Variants in CACNA1D observed in about 807,000 individuals in gnomAD.
CACNA1D encodes calcium voltage-gated channel subunit alpha1 D.
A neutral mutation model predicts 257.1 loss-of-function variants in CACNA1D; 55 were observed. That is an observed-to-expected ratio of 0.21 (90% CI 0.17 to 0.27). The LOEUF (loss-of-function observed/expected upper bound fraction) is 0.27. CACNA1D is among the 10% of genes least tolerant of loss of function. The probability of loss-of-function intolerance (pLI) is 1.00; values close to 1 mark genes in which losing one functional copy is unlikely to be tolerated. For missense variants in CACNA1D, 1,876 were observed against 2,784.0 expected, an observed-to-expected ratio of 0.67 and a Z score of 7.34; for synonymous variants, 980 against 1,014.9, an observed-to-expected ratio of 0.97 and a Z score of 0.65.
At chr3:53,677,444 A>G (rs2094387555) in intron 8 of CACNA1D, among the ~76,000 whole-genome samples, 1 of 152,250 alleles carries the variant, frequency 6.6e-6, no homozygotes, top group Admixed American at 6.5e-5. Flanking sequence ...TAATGACTGT[A>G]GAAGTGCTTC....
At position 53,774,775 on chromosome 3, in the gene CACNA1D, C is replaced by G; in HGVS notation, c.4202+97C>G. On this transcript the variant is annotated intron_variant, in intron 34 of 47. Transcript: ENST00000350061. The surrounding 1 kb of genome is among the most constrained non-coding windows in gnomAD (Gnocchi z 4.3). ...GACACAGGTTATTAAAGCAGTGTGCCTTTCTCAGTTGATTGTGATGGCTTT... is the reference window on the plus strand; with the variant it reads ...GACACAGGTTATTAAAGCAGTGTGCGTTTCTCAGTTGATTGTGATGGCTTT... 1.3e-6 allele frequency: 1 copy of G among 747,826 alleles called. No homozygotes were observed. 46.3% of individuals were successfully genotyped at this position (747,826 alleles called of 1,614,324 possible).
chr3:53,633,442 C>G (rs976154167), intron 3 of CACNA1D, among the ~76,000 whole-genome samples: 1 of 142,322 alleles, frequency 7.0e-6, no homozygotes, highest in Non-Finnish European at 1.5e-5. Context: ...GGAACAGAGA[C>G]TCTGTCTTAA....
At chr3:53,651,031 C>G in intron 4 of CACNA1D, 113 bp downstream of exon 4, 4 of 954,300 alleles carry the variant, frequency 4.2e-6, no homozygotes, top group Non-Finnish European at 6.7e-6. Flanking sequence ...TCTTTTATGC[C>G]AGCTGTTGCA....
At chr3:53,510,201 A>G (rs985576333) in intron 3 of CACNA1D, among the ~76,000 whole-genome samples, 1 of 152,250 alleles carries the variant, frequency 6.6e-6, no homozygotes, top group African/African-American at 2.4e-5. Flanking sequence ...AATTACAATG[A>G]TCAGTTCCGT....
intron 3 of CACNA1D, among the ~76,000 whole-genome samples, chr3:53,568,445 A>G (rs1310230658): frequency 6.6e-6 from 1 of 152,122 alleles, no homozygotes; most frequent in African/African-American, 2.4e-5. Flanking sequence ...TCCCTGAGAA[A>G]ATTCAAGCCG....
intron 39 of CACNA1D, chr3:53,786,140 CGTT>C (rs2109103806): frequency 6.5e-6 from 1 of 153,462 alleles, no homozygotes; most frequent in South Asian, 2.0e-4. Context: ...CAACCATACA[CGTT>C]GGAGGTTGTT....
intron 3 of CACNA1D, among the ~76,000 whole-genome samples, chr3:53,643,269 A>G (rs2093981971): frequency 6.6e-6 from 1 of 152,108 alleles, no homozygotes; most frequent in African/African-American, 2.4e-5. Flanking sequence ...CCTGCAGGGG[A>G]AAAAATGACC....
chr3:53,693,132 C>T (rs1389352389), intron 8 of CACNA1D, among the ~76,000 whole-genome samples: 1 of 152,218 alleles, frequency 6.6e-6, no homozygotes. Context: ...ATTTTCTCGT[C>T]CTTTTTGCCC....
chr3:53,592,174 C>T (rs2093314788), intron 3 of CACNA1D, among the ~76,000 whole-genome samples: 1 of 152,156 alleles, frequency 6.6e-6, no homozygotes, highest in Non-Finnish European at 1.5e-5. Context: ...AGGAATATGT[C>T]CACGACATAG....
In CACNA1D at chr3:53,775,882, A is replaced by G; in HGVS notation, c.4203-4A>G. On this transcript the variant is annotated splice_polypyrimidine_tract_variant and splice_region_variant and intron_variant, in intron 34 of 47. Transcript: ENST00000350061. ...AAAGCCCCTTTGTTCTTCATCTGAA[A>G]AAGGTGTGCAACAGGTGAGGCCTGG... 6.2e-7 allele frequency: 1 copy of G among 1,614,042 alleles called. No individual in the cohort carries two copies. Among genetic ancestry groups the G allele is most frequent in the Non-Finnish European group, 8.5e-7 (1 of 1,179,966 alleles).
chr3:53,703,025 G>A (rs2094643335), intron 9 of CACNA1D, among the ~76,000 whole-genome samples: 1 of 152,188 alleles, frequency 6.6e-6, no homozygotes, highest in South Asian at 2.1e-4. Context: ...AGTTGTATTT[G>A]GTAAGGTGGC....
At chr3:53,576,672 A>G (rs1419195068) in intron 3 of CACNA1D, among the ~76,000 whole-genome samples, 1 of 152,172 alleles carries the variant, frequency 6.6e-6, no homozygotes, top group African/African-American at 2.4e-5. Context: ...TATTCATATG[A>G]TTCTTGAATT....
intron 3 of CACNA1D, among the ~76,000 whole-genome samples, chr3:53,640,953 A>G (rs1218036425): frequency 6.6e-6 from 1 of 152,112 alleles, no homozygotes; most frequent in Non-Finnish European, 1.5e-5. Flanking sequence ...GGGAAAAATG[A>G]TGCTCAGAGG....
In CACNA1D at chr3:53,744,288, G is replaced by A. The variant is rs540957183; in HGVS notation, c.2919-452G>A. Among the ~76,000 whole-genome samples the A allele has an allele frequency of 2.3e-5, 3 of 129,280 alleles. No individual in the cohort carries two copies. The Admixed American group carries it at 2.8e-4, about 12-fold the overall frequency. The allele number at this position is 129,280 out of a possible 152,430, so 84.8% of individuals were successfully genotyped here. On this transcript the variant is annotated intron_variant, in intron 22 of 47. Coordinates refer to ENST00000350061, the MANE Select transcript of CACNA1D (RefSeq NM_001128840.3). Reference sequence around the variant, plus strand: ...GGCTGAGCACACCACATTTACCCCTGTCATGTGCCACACTGGGTTGGGATT... The same window carrying A: ...GGCTGAGCACACCACATTTACCCCTATCATGTGCCACACTGGGTTGGGATT...
At chr3:53,768,651 C>G (rs1281522876) in intron 30 of CACNA1D, among the ~76,000 whole-genome samples, 1 of 152,176 alleles carries the variant, frequency 6.6e-6, no homozygotes, top group Admixed American at 6.5e-5. Context: ...GCAAGGACCC[C>G]TTTTAAACTC....
intron 8 of CACNA1D, among the ~76,000 whole-genome samples, chr3:53,683,255 G>A (rs898422): frequency 0.67 from 102,232 of 151,992 alleles, 35,059 homozygotes; most frequent in East Asian, 0.9. Flanking sequence ...AAATCTCTCC[G>A]TGCTGGGAGG....
At chr3:53,626,595 A>G (rs1226385833) in intron 3 of CACNA1D, among the ~76,000 whole-genome samples, 2 of 152,154 alleles carry the variant, frequency 1.3e-5, no homozygotes, top group African/African-American at 2.4e-5. Context: ...AAACATGGAT[A>G]AAGTCACACT....
At chr3:53,589,419 C>T (rs1172044018) in intron 3 of CACNA1D, among the ~76,000 whole-genome samples, 1 of 152,058 alleles carries the variant, frequency 6.6e-6, no homozygotes, top group African/African-American at 2.4e-5. Flanking sequence ...GGACGAACTC[C>T]CGCCAAGAGG....
intron 3 of CACNA1D, among the ~76,000 whole-genome samples, chr3:53,648,032 G>T (rs571501710): frequency 9.8e-5 from 15 of 152,320 alleles, no homozygotes; most frequent in Admixed American, 9.1e-4. Flanking sequence ...TTGTGTTATT[G>T]TGGCAAAATT....
Sources: allele counts gnomAD v4.1 joint callset (sites outside exome capture counted in the v4.1 genomes callset), GRCh38; gene constraint gnomAD v4.1.1; non-coding constraint Gnocchi (gnomAD v3.1); transcripts MANE v1.5; gene names NCBI Gene and HGNC (gene_info 2026-07-23, HGNC 2026-07-21).